Variants in PRAMEF1 observed in about 807,000 individuals in gnomAD.
The protein encoded by PRAMEF1 is PRAME family member 1.
Under a neutral mutation model 38.2 loss-of-function variants are expected in PRAMEF1, and 21 were observed. The observed-to-expected ratio is 0.55, with a 90% CI of 0.39 to 0.79. The LOEUF is 0.79. Ranked by LOEUF, PRAMEF1 falls within the 30% of genes least tolerant of loss-of-function variation. The pLI is 0.00. For synonymous variants in PRAMEF1, 200 were observed against 229.0 expected, an observed-to-expected ratio of 0.87 and a Z score of 1.14; for missense variants, 497 against 565.8, an observed-to-expected ratio of 0.88 and a Z score of 1.23.
chr1:12,795,651 G>A lies in PRAMEF1; in HGVS notation c.1080G>A (p.Gln360=). 1 of 1,611,418 alleles carries A rather than the reference G, an allele frequency of 6.2e-7. No homozygotes were observed. The highest frequency in any genetic ancestry group is 8.5e-7 in the Non-Finnish European group (1 of 1,179,602). ...SLKTLILEGC[Q]IHYSQLSAIL... is the part of the protein sequence containing the mutation. Reference sequence around the variant, plus strand: ...AAACCCTCATCTTGGAGGGCTGTCAGATCCACTACTCCCAACTCAGTGCCA... The same window carrying A: ...AAACCCTCATCTTGGAGGGCTGTCAAATCCACTACTCCCAACTCAGTGCCA... The change falls in exon 4 of 4, where the codon CAG becomes CAA. Residue 360 remains glutamine, a synonymous_variant. Transcript: ENST00000332296.
Position 12,793,427 on chromosome 1 carries a change from G to A in PRAMEF1, c.200G>A (p.Gly67Glu). Residue 67 changes from glycine (G) to glutamate (E), a missense_variant, in exon 2 of 4, where the codon GGA becomes GAA. Transcript: ENST00000332296. ...QAWPFTCLPLGSLMKTLHLET... is the reference protein window; with the variant it reads ...QAWPFTCLPLESLMKTLHLET... The stretch of plus-strand genomic sequence containing the variant: ...TGGCCCTTCACCTGCCTCCCTCTGG[G>A]ATCACTGATGAAGACGCTTCATTTG... 6.2e-7 allele frequency: 1 copy of A among 1,610,002 alleles called. No homozygotes were observed.
rs1483789386 is a variant in PRAMEF1, at chr1:12,793,383, G to C, written c.156G>C (p.Leu52=). ...TCAGCAGGAGACACTTCCAGACTCTGACGGTGATGGTTCAGGCCTGGCCCT... is the reference window on the plus strand; with the variant it reads ...TCAGCAGGAGACACTTCCAGACTCTCACGGTGATGGTTCAGGCCTGGCCCT... ...EAFSRRHFQT[L]TVMVQAWPFT... Residue 52 remains leucine, a synonymous_variant, in exon 2 of 4, where the codon CTG becomes CTC. Transcript: ENST00000332296. 1 of 1,610,088 alleles carries C rather than the reference G, an allele frequency of 6.2e-7. No individual in the cohort carries two copies. Among genetic ancestry groups the C allele is most frequent in the South Asian group, 1.1e-5 (1 of 90,500 alleles).
chr1:12,795,430 C>A lies in PRAMEF1; in HGVS notation c.867-8C>A. 6.2e-7 allele frequency: 1 copy of A among 1,610,564 alleles called. No individual in the cohort carries two copies. Among genetic ancestry groups the A allele is most frequent in the East Asian group, 2.2e-5 (1 of 44,588 alleles). ...CACTGCCCAGAACTAACTTCTTGATCTCCACAGGTGCCTCCAGAACCCCTT... is the reference window on the plus strand; with the variant it reads ...CACTGCCCAGAACTAACTTCTTGATATCCACAGGTGCCTCCAGAACCCCTT... On this transcript the variant is annotated splice_region_variant and splice_polypyrimidine_tract_variant and intron_variant, in intron 3 of 3. Transcript: ENST00000332296.
Position 12,793,150 on chromosome 1 carries a change from G to A in PRAMEF1, c.-25-53G>A. 4 of 1,585,646 alleles carry A rather than the reference G, an allele frequency of 2.5e-6. No homozygotes were observed. The South Asian group carries it at 4.6e-5, about 18-fold the overall frequency. On this transcript the variant is annotated intron_variant, in intron 1 of 3. Coordinates refer to ENST00000332296, the MANE Select transcript of PRAMEF1 (RefSeq NM_023013.4). ...ATTCTTCCTGGTACCAGTAGAAGCA[G>A]ATGATTGTCTTTGCCCTGAGAGTGA...
At chr1:12,794,746 G>A in intron 3 of PRAMEF1, 1 of 1,403,882 alleles carries the variant, frequency 7.1e-7, no homozygotes, top group African/African-American at 1.4e-5. Flanking sequence ...TAGTTAGTGG[G>A]GGTTTCAGCT....
At position 12,794,287 on chromosome 1, in the gene PRAMEF1, G is replaced by A; in HGVS notation, c.660G>A (p.Leu220=). 2 of 1,611,568 alleles carry A rather than the reference G, an allele frequency of 1.2e-6. No homozygotes were observed. Among genetic ancestry groups the A allele is most frequent in the African/African-American group, 1.3e-5 (1 of 74,832 alleles). The stretch of plus-strand genomic sequence containing the variant: ...TTCGCAACATGTCCTGGCCACGTCT[G>A]ATAAGAAAGCTTCGTTGTTACCTGA... ...LEIRNMSWPR[L]IRKLRCYLKE... The change falls in exon 3 of 4, where the codon CTG becomes CTA. Residue 220 remains leucine, a synonymous_variant. Coordinates refer to ENST00000332296, the MANE Select transcript of PRAMEF1 (RefSeq NM_023013.4).
At chr1:12,792,297 C>T (rs1424605247) in intron 1 of PRAMEF1, among the ~76,000 whole-genome samples, 1 of 151,270 alleles carries the variant, frequency 6.6e-6, no homozygotes, top group Non-Finnish European at 1.5e-5. Flanking sequence ...GCTGGGATTA[C>T]ATGAGTGAGC....
At chr1:12,795,128 C>T (rs371870502) in intron 3 of PRAMEF1, among the ~76,000 whole-genome samples, 2,091 of 147,930 alleles carry the variant, frequency 0.014, 29 homozygotes, top group South Asian at 0.03. Flanking sequence ...CAGTTGAGTT[C>T]TTTGTTCACA....
chr1:12,792,352 A>G (rs1157761498), intron 1 of PRAMEF1, among the ~76,000 whole-genome samples: 1 of 151,148 alleles, frequency 6.6e-6, no homozygotes, highest in African/African-American at 2.4e-5. Context: ...TACCTTCCAA[A>G]TGCTGTGGAA....
Position 12,795,491 on chromosome 1 carries a change from A to T in PRAMEF1, c.920A>T (p.Glu307Val), listed in dbSNP as rs1395322403. Residue 307 changes from glutamate (E) to valine (V), a missense_variant, in exon 4 of 4, where the codon GAA (glutamate) becomes GTA (valine). Glu to Val is a moderately radical substitution (Grantham distance 121). Coordinates refer to ENST00000332296, the MANE Select transcript of PRAMEF1 (RefSeq NM_023013.4). The stretch of plus-strand genomic sequence containing the variant: ...GAATTAACTTATGGCTACCTATTGG[A>T]AGAAGACATGAAGTGTCTCTCCCAG... ...NLELTYGYLL[E>V]EDMKCLSQYP... 3.1e-6 allele frequency: 5 copies of T among 1,612,268 alleles called. No individual in the cohort carries two copies. The highest frequency in any genetic ancestry group is 4.2e-6 in the Non-Finnish European group (5 of 1,179,158).
In PRAMEF1 at chr1:12,792,491, A is replaced by G. The variant is rs536935410; in HGVS notation, c.-25-712A>G. On this transcript the variant is annotated intron_variant, in intron 1 of 3. Transcript: ENST00000332296. ...CTGGAAACTCTGCCTCTGGGCTTCA[A>G]GTGATTCTCCTTTCTCTGCCTCCAG... Among the ~76,000 whole-genome samples the G allele has an allele frequency of 1.5e-4, 23 of 151,250 alleles. 3 individuals carry two copies. In the South Asian group the frequency reaches 4.5e-3, roughly 29 times the overall value.
rs564187663 is a variant in PRAMEF1 at position 12,793,561 on chromosome 1, G to A, written c.287+47G>A. The A allele has an allele frequency of 7.0e-6, 11 of 1,564,694 alleles. 1 individual carries two copies. In the South Asian group the frequency reaches 1.1e-4, roughly 16 times the overall value. Reference sequence around the variant, plus strand: ...GGTAGATAGGGCTCAGGTGTCCAGGGAAAGAACAGCAGGGTCAGGCAGAGA... The same window carrying A: ...GGTAGATAGGGCTCAGGTGTCCAGGAAAAGAACAGCAGGGTCAGGCAGAGA... On this transcript the variant is annotated intron_variant, in intron 2 of 3. Transcript: ENST00000332296.
chr1:12,794,230 A>T lies in PRAMEF1; in HGVS notation c.603A>T (p.Ile201=). ...AATATCTCAGAAAGTCATTGAAAAT[A>T]ATATACCTGAATAGTATTCAAGAGC... is the stretch of plus-strand genomic sequence containing the variant. ...PIKYLRKSLK[I]IYLNSIQELE... is the part of the protein sequence containing the mutation. The change falls in exon 3 of 4, where the codon ATA becomes ATT. Residue 201 remains isoleucine (I), a synonymous_variant. Coordinates refer to ENST00000332296, the MANE Select transcript of PRAMEF1 (RefSeq NM_023013.4). 6.2e-7 allele frequency: 1 copy of T among 1,611,680 alleles called. No homozygotes were observed. The highest frequency in any genetic ancestry group is 8.5e-7 in the Non-Finnish European group (1 of 1,178,524).
In PRAMEF1 at chr1:12,794,247, T is replaced by C. The variant is rs562698504; in HGVS notation, c.620T>C (p.Ile207Thr). Residue 207 changes from isoleucine (I) to threonine (T), a missense_variant, in exon 3 of 4, where the codon ATT becomes ACT. Ile to Thr is a moderately conservative substitution (Grantham distance 89). Coordinates refer to ENST00000332296, the MANE Select transcript of PRAMEF1 (RefSeq NM_023013.4). ...TTGAAAATAATATACCTGAATAGTA[T>C]TCAAGAGCTGGAAATTCGCAACATG... ...KSLKIIYLNS[I>T]QELEIRNMSW... The C allele has an allele frequency of 6.2e-7, 1 of 1,611,836 alleles. No homozygotes were observed. Among genetic ancestry groups the C allele is most frequent in the African/African-American group, 1.3e-5 (1 of 74,828 alleles).
In PRAMEF1 at chr1:12,794,247, T is replaced by G; in HGVS notation, c.620T>G (p.Ile207Ser). ...KSLKIIYLNS[I>S]QELEIRNMSW... The stretch of plus-strand genomic sequence containing the variant: ...TTGAAAATAATATACCTGAATAGTA[T>G]TCAAGAGCTGGAAATTCGCAACATG... Residue 207 changes from isoleucine to serine, a missense_variant, in exon 3 of 4, where the codon ATT becomes AGT. Physicochemically the swap from Ile to Ser is moderately radical, Grantham distance 142. Coordinates refer to ENST00000332296, the MANE Select transcript of PRAMEF1 (RefSeq NM_023013.4). 1 of 1,611,836 alleles carries G rather than the reference T, an allele frequency of 6.2e-7. No homozygotes were observed. The highest frequency in any genetic ancestry group is 1.1e-5 in the South Asian group (1 of 90,870).
rs375047367 is a variant in PRAMEF1, at chr1:12,794,116, C to T, written c.489C>T (p.Cys163=). ...TCAAGGAAATACCCCAGGATGAATG[C>T]CTGAGATACCTCTTCCAGTGGGTTT... is the stretch of plus-strand genomic sequence containing the variant. ...ICLKEIPQDE[C]LRYLFQWVYQ... Residue 163 remains cysteine, a synonymous_variant, in exon 3 of 4, where the codon TGC becomes TGT. Coordinates refer to ENST00000332296, the MANE Select transcript of PRAMEF1 (RefSeq NM_023013.4). 1.9e-6 allele frequency: 3 copies of T among 1,609,870 alleles called. No individual in the cohort carries two copies. The highest frequency in any genetic ancestry group is 1.7e-5 in the Admixed American group (1 of 59,784).
At chr1:12,792,789 G>A (rs977972032) in intron 1 of PRAMEF1, among the ~76,000 whole-genome samples, 6 of 150,754 alleles carry the variant, frequency 4.0e-5, no homozygotes, top group Non-Finnish European at 7.4e-5. Context: ...CAGCAGTGTT[G>A]GGATTACAGA....
At position 12,794,103 on chromosome 1, in the gene PRAMEF1, C is replaced by T; in HGVS notation, c.476C>T (p.Pro159Leu). ...VFIDICLKEI[P>L]QDECLRYLFQ... ...ATAGACATCTGCCTCAAGGAAATAC[C>T]CCAGGATGAATGCCTGAGATACCTC... The change falls in exon 3 of 4, where the codon CCC becomes CTC. Residue 159 changes from proline (P) to leucine (L), a missense_variant. Pro to Leu is a moderately conservative substitution (Grantham distance 98, BLOSUM62 -3). Transcript: ENST00000332296. 1.2e-6 allele frequency: 2 copies of T among 1,609,780 alleles called. No individual in the cohort carries two copies. Among genetic ancestry groups the T allele is most frequent in the Non-Finnish European group, 1.7e-6 (2 of 1,178,690 alleles).
intron 3 of PRAMEF1, among the ~76,000 whole-genome samples, chr1:12,795,179 G>A (rs1246296881): frequency 0.021 from 3,118 of 149,316 alleles, 41 homozygotes; most frequent in South Asian, 0.045. Flanking sequence ...GAAGTTTTCT[G>A]CTAAAAGATG....
Sources: allele counts gnomAD v4.1 joint callset (sites outside exome capture counted in the v4.1 genomes callset), GRCh38; gene constraint gnomAD v4.1.1; transcripts MANE v1.5; gene names NCBI Gene and HGNC (gene_info 2026-07-23, HGNC 2026-07-21).